Variants in SLTM observed in about 807,000 individuals in gnomAD.
SLTM encodes the protein SAFB-like transcription modulator.
In SLTM, 43 loss-of-function variants were observed where a neutral mutation model predicts 134.6. That is an observed-to-expected ratio of 0.32 (90% CI 0.25 to 0.41). SLTM has a LOEUF of 0.41. Ranked by LOEUF, SLTM falls within the 10% of genes least tolerant of loss-of-function variation. SLTM has a pLI of 1.00. For missense variants in SLTM, 1,055 were observed against 1,288.8 expected (o/e 0.82, Z 2.78); for synonymous variants, 424 against 432.3 (o/e 0.98, Z 0.24).
intron 17 of SLTM, 85 bp from the exon 18 acceptor site, chr15:58,887,625 A>G (rs2034326369): frequency 4.6e-6 from 7 of 1,510,230 alleles, no homozygotes; most frequent in African/African-American, 1.4e-5. Context: ...CATAACCTAC[A>G]ATAATGAAAC....
chr15:58,930,088 G>A (rs1415088909), intron 2 of SLTM, among the ~76,000 whole-genome samples: 1 of 151,790 alleles, frequency 6.6e-6, no homozygotes, highest in Non-Finnish European at 1.5e-5. Context: ...CTTAGAATGA[G>A]GCCTGCTACA....
At chr15:58,916,529 A>G (rs2141150525) in intron 3 of SLTM, 1 of 155,502 alleles carries the variant, frequency 6.4e-6, no homozygotes, top group South Asian at 2.0e-4. Context: ...TGTGTATTTT[A>G]AGGTCTACAT....
At chr15:58,890,482 G>GA (rs1307340152) in intron 14 of SLTM, 21 bp from the exon 15 acceptor site, 26 of 1,608,312 alleles carry the variant, frequency 1.6e-5, no homozygotes, top group Non-Finnish European at 2.2e-5. Context: ...TCAGTATTTA[G>GA]AAATACTTAA....
At position 58,892,959 on chromosome 15, in the gene SLTM, T is replaced by C. The variant is rs767329565; in HGVS notation, c.1836A>G (p.Glu612=). Residue 612 remains glutamate (E), a synonymous_variant, in exon 14 of 21, where the codon GAA becomes GAG. Coordinates refer to ENST00000380516, the MANE Select transcript of SLTM (RefSeq NM_024755.4). ...GAACTAAATGTTCTCTCAACCTTTG[T>C]TCCTTCATCTTTTCAAAAGGCAAGA... ...KEILPFEKMK[E]QRLREHLVRF... The C allele has an allele frequency of 3.1e-6, 5 of 1,613,896 alleles. No homozygotes were observed. The highest frequency in any genetic ancestry group is 4.2e-6 in the Non-Finnish European group (5 of 1,179,902).
intron 6 of SLTM, 122 bp from the exon 7 acceptor site, chr15:58,900,059 A>T: frequency 3.3e-5 from 6 of 182,672 alleles, no homozygotes; most frequent in African/African-American, 7.5e-5. Context: ...GAAGTTAGGG[A>T]AAAAAAAAAA....
At chr15:58,883,323 AAAAAC>A (rs1191079760) in intron 20 of SLTM, among the ~76,000 whole-genome samples, 33 of 152,328 alleles carry the variant, frequency 2.2e-4, no homozygotes, top group African/African-American at 5.8e-4. Flanking sequence ...TCAAAAAACA[AAAAAC>A]AAAACAAAAC....
intron 5 of SLTM, among the ~76,000 whole-genome samples, chr15:58,906,181 C>T (rs1462085753): frequency 6.6e-6 from 1 of 152,172 alleles, no homozygotes. Flanking sequence ...TATGCACAGA[C>T]ATGATATGCA....
At chr15:58,896,460 TTGAGGCATGAGAATCGTTTAAACTTG>T (rs1413000911) in intron 9 of SLTM, among the ~76,000 whole-genome samples, 1 of 152,056 alleles carries the variant, frequency 6.6e-6, no homozygotes, top group Non-Finnish European at 1.5e-5. Context: ...CTAGGTAGGC[TTGAGGCATGAGAATCGTTTAAACTTG>T]GGAGGCAGAG....
At position 58,894,727 on chromosome 15, in the gene SLTM, T is replaced by C. The variant is rs553247229; in HGVS notation, c.1228-145A>G. 36 of 676,568 alleles carry C rather than the reference T, an allele frequency of 5.3e-5. No homozygotes were observed. In the South Asian group the frequency reaches 6.2e-4, roughly 12 times the overall value. The allele number at this position is 676,568 out of a possible 1,614,324, so 41.9% of individuals were successfully genotyped here. On this transcript the variant is annotated intron_variant, in intron 9 of 20. Transcript: ENST00000380516. ...CATGTTTTTTTTTTTTTTTTTGAGATGGAGTCACACTCTGTCACGCAGGCT... is the reference window on the plus strand; with the variant it reads ...CATGTTTTTTTTTTTTTTTTTGAGACGGAGTCACACTCTGTCACGCAGGCT...
At chr15:58,932,239 A>G in intron 2 of SLTM, 117 bp downstream of exon 2, 1 of 743,510 alleles carries the variant, frequency 1.3e-6, no homozygotes, top group East Asian at 2.5e-5. Flanking sequence ...AAGAAGGCAG[A>G]CTGCCAGAGG....
chr15:58,921,643 T>TA, intron 2 of SLTM: 1 of 392,384 alleles, frequency 2.5e-6, no homozygotes, highest in South Asian at 1.9e-5. Flanking sequence ...AACAACCTGA[T>TA]AGATACATAG....
intron 19 of SLTM, among the ~76,000 whole-genome samples, chr15:58,886,189 C>G (rs549501196): frequency 2.7e-5 from 4 of 145,812 alleles, no homozygotes; most frequent in African/African-American, 7.6e-5. Context: ...ACACTTTAAG[C>G]TACTTAAATG....
intron 2 of SLTM, among the ~76,000 whole-genome samples, chr15:58,925,653 A>T (rs1329538923): frequency 1.3e-5 from 2 of 152,182 alleles, no homozygotes; most frequent in African/African-American, 4.8e-5. Flanking sequence ...GGTCACTTTG[A>T]AAAATTACTA....
At chr15:58,883,586 G>C in intron 20 of SLTM, 40 bp downstream of exon 20, 1 of 1,610,920 alleles carries the variant, frequency 6.2e-7, no homozygotes, top group African/African-American at 1.3e-5. Flanking sequence ...AGGATAAAGT[G>C]TTGGTTGTGT....
At chr15:58,923,798 C>CT (rs1567160231) in intron 2 of SLTM, among the ~76,000 whole-genome samples, 7 of 123,746 alleles carry the variant, frequency 5.7e-5, no homozygotes, top group African/African-American at 2.0e-4. Context: ...TGAAGCCAAA[C>CT]CTTTTTTTTT....
chr15:58,903,778 C>T (rs963596407), intron 5 of SLTM, among the ~76,000 whole-genome samples: 4 of 151,456 alleles, frequency 2.6e-5, no homozygotes, highest in African/African-American at 9.7e-5. Flanking sequence ...GCTGGTACAG[C>T]GCAAACACTG....
chr15:58,931,584 A>G (rs1409111155), intron 2 of SLTM, among the ~76,000 whole-genome samples: 1 of 152,214 alleles, frequency 6.6e-6, no homozygotes, highest in Non-Finnish European at 1.5e-5. Flanking sequence ...ACCCTCTGCC[A>G]CTGTCCTTAT....
chr15:58,900,070 A>AC, intron 6 of SLTM, 133 bp from the exon 7 acceptor site: 2 of 684,618 alleles, frequency 2.9e-6, no homozygotes, highest in Non-Finnish European at 4.8e-6. Flanking sequence ...AAAAAAAAAA[A>AC]AACACAAGGG....
In SLTM at chr15:58,887,385, C is replaced by G. The variant is rs367572128; in HGVS notation, c.2531G>C (p.Arg844Pro). 10 of 1,613,828 alleles carry G rather than the reference C, an allele frequency of 6.2e-6. No homozygotes were observed. The highest frequency in any genetic ancestry group is 8.5e-6 in the Non-Finnish European group (10 of 1,179,994). ...TTCGTCTCGCTCCCCTCGTACTTCT[C>G]GCCTGTCTGATTCTCTAAGTTCATT... is the stretch of plus-strand genomic sequence containing the variant. The part of the protein sequence containing the change: ...PRNELRESDR[R>P]EVRGERDERR... Residue 844 changes from arginine to proline, a missense_variant, in exon 18 of 21, where the codon CGA becomes CCA. Physicochemically the swap from Arg to Pro is moderately radical, Grantham distance 103 (BLOSUM62 -2). Transcript: ENST00000380516.
Sources: gnomAD v4.1 joint callset for allele counts (sites outside exome capture counted in the v4.1 genomes callset) on GRCh38, gnomAD v4.1.1 for gene constraint, MANE v1.5 for transcripts, NCBI Gene and HGNC (gene_info 2026-07-23, HGNC 2026-07-21) for gene names.